GMEB2: variants seen among roughly 807,000 people sequenced by gnomAD.
The protein encoded by GMEB2 is glucocorticoid modulatory element-binding protein 2.
GMEB2 carries 7 observed loss-of-function variants against 45.7 expected under a neutral mutation model. The observed-to-expected ratio is 0.15, with a 90% CI of 0.09 to 0.29. The LOEUF is 0.29. GMEB2 is among the 10% of genes least tolerant of loss of function. The probability of loss-of-function intolerance (pLI) is 1.00; values close to 1 mark genes in which losing one functional copy is unlikely to be tolerated. For synonymous variants in GMEB2, 322 were observed against 323.6 expected (o/e 1.00, Z 0.05); for missense variants, 582 against 739.2 (o/e 0.79, Z 2.47).
At position 63,593,303 on chromosome 20, in the gene GMEB2, C is replaced by T. The variant is rs946989998; in HGVS notation, c.620-221G>A. On this transcript the variant is annotated intron_variant, in intron 6 of 9. Coordinates refer to ENST00000370077, the MANE Select transcript of GMEB2 (RefSeq NM_012384.5). The surrounding 1 kb of genome is among the most constrained non-coding windows in gnomAD (Gnocchi z 4.7). ...TGTCAAACATACAAAGGAGAAACAA[C>T]GCAGAAACAAATCCCTTGAACCCGT... Among the ~76,000 whole-genome samples the T allele has an allele frequency of 6.6e-6, 1 of 152,070 alleles. No homozygotes were observed. Among genetic ancestry groups the T allele is most frequent in the East Asian group, 1.9e-4 (1 of 5,182 alleles).
At chr20:63,600,530 C>T (rs2083234228) in intron 4 of GMEB2, among the ~76,000 whole-genome samples, 1 of 151,126 alleles carries the variant, frequency 6.6e-6, no homozygotes. Context: ...TCAGCCTGGC[C>T]AACATGGCAA....
chr20:63,618,222 C>CT (rs1339804503), intron 2 of GMEB2, among the ~76,000 whole-genome samples: 2 of 152,322 alleles, frequency 1.3e-5, no homozygotes, highest in East Asian at 3.9e-4. Context: ...GAACATCCAG[C>CT]TAGCAGGTCC....
At chr20:63,612,275 G>T (rs8122824) in intron 2 of GMEB2, among the ~76,000 whole-genome samples, 8 of 152,178 alleles carry the variant, frequency 5.3e-5, no homozygotes, top group Non-Finnish European at 1.0e-4. Context: ...TGGCCAAAGG[G>T]CCACCCTGCC....
At position 63,619,484 on chromosome 20, in the gene GMEB2, G is replaced by A. The variant is rs1430356725; in HGVS notation, c.-57-30C>T. The A allele has an allele frequency of 2.2e-6, 3 of 1,369,398 alleles. No individual in the cohort carries two copies. In the African/African-American group the frequency reaches 4.3e-5, roughly 20 times the overall value. The allele number at this position is 1,369,398 out of a possible 1,614,324, so 84.8% of individuals were successfully genotyped here. On this transcript the variant is annotated intron_variant, in intron 1 of 9. Coordinates refer to ENST00000370077, the MANE Select transcript of GMEB2 (RefSeq NM_012384.5). This position sits in a 1 kb window ranked among gnomAD's most constrained non-coding sequence, Gnocchi z 4.6. Reference sequence around the variant, plus strand: ...AGGAAGCAAGGCAGGGCACAGGGATGGAGTCATCTCCACATCCACACAACA... The same window carrying A: ...AGGAAGCAAGGCAGGGCACAGGGATAGAGTCATCTCCACATCCACACAACA...
At chr20:63,612,418 G>A (rs1025728069) in intron 2 of GMEB2, among the ~76,000 whole-genome samples, 35 of 152,288 alleles carry the variant, frequency 2.3e-4, no homozygotes, top group African/African-American at 8.2e-4. Flanking sequence ...GGATCAAGAC[G>A]TGCCATAACC....
chr20:63,624,820 G>A (rs970475259), intron 1 of GMEB2, among the ~76,000 whole-genome samples: 1 of 152,096 alleles, frequency 6.6e-6, no homozygotes, highest in African/African-American at 2.4e-5. Context: ...CGATTCTCTT[G>A]CCTCAGCCTC....
chr20:63,622,731 G>A (rs568790706), intron 1 of GMEB2, among the ~76,000 whole-genome samples: 1 of 152,314 alleles, frequency 6.6e-6, no homozygotes, highest in African/African-American at 2.4e-5. Flanking sequence ...GCCAGTCTCT[G>A]AAGTAACCCT....
In GMEB2 at chr20:63,592,756, C is replaced by T; in HGVS notation, c.692-86G>A. On this transcript the variant is annotated intron_variant, in intron 7 of 9. Coordinates refer to ENST00000370077, the MANE Select transcript of GMEB2 (RefSeq NM_012384.5). The surrounding 1 kb of genome is among the most constrained non-coding windows in gnomAD (Gnocchi z 8.2). ...ACAGCCACAAGGACATCACCATAGC[C>T]ACGAGGACACCATGCCAGAGCCGGC... is the stretch of plus-strand genomic sequence containing the variant. 1 of 1,109,888 alleles carries T rather than the reference C, an allele frequency of 9.0e-7. No homozygotes were observed. The highest frequency in any genetic ancestry group is 1.4e-6 in the Non-Finnish European group (1 of 731,060). 68.8% of individuals were successfully genotyped at this position (1,109,888 alleles called of 1,614,324 possible).
At chr20:63,595,894 G>C in intron 5 of GMEB2, 127 bp from the exon 6 acceptor site, 5 of 741,108 alleles carry the variant, frequency 6.7e-6, no homozygotes, top group South Asian at 1.7e-5. Context: ...CAGCTCCACA[G>C]GGCAGGGTGG....
At chr20:63,624,557 G>A (rs1438620539) in intron 1 of GMEB2, among the ~76,000 whole-genome samples, 4 of 152,184 alleles carry the variant, frequency 2.6e-5, no homozygotes, top group Non-Finnish European at 4.4e-5. Flanking sequence ...CTCAGCAGGG[G>A]CAACTAAAGT....
chr20:63,594,265 G>A (rs770933910), intron 6 of GMEB2, among the ~76,000 whole-genome samples: 7 of 152,252 alleles, frequency 4.6e-5, no homozygotes, highest in Non-Finnish European at 1.0e-4. Flanking sequence ...CAGAAGAGCT[G>A]AGCCTCAGCC....
rs995362299 is a variant in GMEB2, at chr20:63,589,230, C to G, written c.*859G>C. ...CCCCTGGGAGGGGCCGGCTCAGGGA[C>G]AGGCTGCCCAGGACCTCCGCACCCG... On this transcript the variant is annotated 3_prime_UTR_variant, in exon 10 of 10. Coordinates refer to ENST00000370077, the MANE Select transcript of GMEB2 (RefSeq NM_012384.5). 1.8e-5 allele frequency: 7 copies of G among 399,078 alleles called. No homozygotes were observed. In the Admixed American group the frequency reaches 2.2e-4, roughly 13 times the overall value. The allele number at this position is 399,078 out of a possible 1,614,324, so 24.7% of individuals were successfully genotyped here.
At position 63,590,377 on chromosome 20, in the gene GMEB2, G is replaced by A. The variant is rs371348659; in HGVS notation, c.1305C>T (p.Ala435=). The A allele has an allele frequency of 3.1e-6, 5 of 1,600,024 alleles. No homozygotes were observed. In the East Asian group the frequency reaches 9.0e-5, roughly 29 times the overall value. The part of the protein sequence containing the change: ...SPLLGGYTVL[A]SSGSTYPSTV... ...TGCTGGGGTAGGTGGAGCCGGAAGA[G>A]GCCAAGACTGTGTATCCCCCGAGCA... Residue 435 remains alanine, a synonymous_variant, in exon 10 of 10, where the codon GCC becomes GCT. Transcript: ENST00000370077.
chr20:63,624,226 G>A (rs1420435340), intron 1 of GMEB2, among the ~76,000 whole-genome samples: 1 of 151,820 alleles, frequency 6.6e-6, no homozygotes, highest in African/African-American at 2.4e-5. Flanking sequence ...AGACCAGCCT[G>A]GCCACCATGA....
intron 2 of GMEB2, among the ~76,000 whole-genome samples, chr20:63,613,145 C>T (rs566103489): frequency 6.6e-6 from 1 of 152,274 alleles, no homozygotes; most frequent in South Asian, 2.1e-4. Context: ...CAAAAGAAAA[C>T]TGACACAATC....
chr20:63,622,901 G>A (rs2089648916), intron 1 of GMEB2, among the ~76,000 whole-genome samples: 1 of 152,242 alleles, frequency 6.6e-6, no homozygotes, highest in East Asian at 1.9e-4. Flanking sequence ...ACGCGTTACT[G>A]ACGCCAGCCT....
chr20:63,623,019 C>T (rs1000228666), intron 1 of GMEB2, among the ~76,000 whole-genome samples: 2 of 152,172 alleles, frequency 1.3e-5, no homozygotes, highest in African/African-American at 4.8e-5. Context: ...CCAGTGAGGG[C>T]TCCACAGGAA....
chr20:63,613,554 C>G (rs2089586168), intron 2 of GMEB2, among the ~76,000 whole-genome samples: 1 of 146,502 alleles, frequency 6.8e-6, no homozygotes, highest in Non-Finnish European at 1.5e-5. Context: ...GAGTCTCGCT[C>G]TGTCACCCAG....
At chr20:63,618,847 C>T (rs894846549) in intron 2 of GMEB2, among the ~76,000 whole-genome samples, 1 of 152,174 alleles carries the variant, frequency 6.6e-6, no homozygotes, top group East Asian at 1.9e-4. Flanking sequence ...CAAATGTTAG[C>T]GTTTTTGCCA....
Sources: allele counts gnomAD v4.1 joint callset (sites outside exome capture counted in the v4.1 genomes callset), GRCh38; gene constraint gnomAD v4.1.1; non-coding constraint Gnocchi (gnomAD v3.1); transcripts MANE v1.5; gene names NCBI Gene and HGNC (gene_info 2026-07-23, HGNC 2026-07-21).